FN1: variants seen among roughly 807,000 people sequenced by gnomAD.
FN1 encodes fibronectin 1.
Under a neutral mutation model 297.3 loss-of-function variants are expected in FN1, and 106 were observed. The ratio of observed to expected loss-of-function variants is 0.36; its 90% CI spans 0.30 to 0.42. FN1 has a LOEUF of 0.42. Ranked by LOEUF, FN1 falls within the 10% of genes least tolerant of loss-of-function variation. The pLI is 1.00. For missense variants in FN1, 2,690 were observed against 3,124.9 expected, an observed-to-expected ratio of 0.86 and a Z score of 3.32; for synonymous variants, 1,149 against 1,152.6, an observed-to-expected ratio of 1.00 and a Z score of 0.06.
At chr2:215,427,032 C>A (rs933935385) in intron 6 of FN1, among the ~76,000 whole-genome samples, 1 of 151,912 alleles carries the variant, frequency 6.6e-6, no homozygotes, top group Non-Finnish European at 1.5e-5. Flanking sequence ...CCCGCCACAA[C>A]GCCTGGTTAA....
chr2:215,394,603 G>A lies in FN1; in HGVS notation c.3721C>T (p.Leu1241=). 1 of 1,614,074 alleles carries A rather than the reference G, an allele frequency of 6.2e-7. No homozygotes were observed. Among genetic ancestry groups the A allele is most frequent in the Non-Finnish European group, 8.5e-7 (1 of 1,179,978 alleles). The part of the protein sequence containing the change: ...SCTFDNLSPG[L]EYNVSVYTVK... ...GTGTAAACACTGACATTGTACTCCAGGCCGGGACTCAGGTTATCAAAAGTG... is the reference window on the plus strand; with the variant it reads ...GTGTAAACACTGACATTGTACTCCAAGCCGGGACTCAGGTTATCAAAAGTG... The change falls in exon 24 of 46, where the codon CTG becomes TTG. Residue 1241 remains leucine, a synonymous_variant. Coordinates refer to ENST00000354785, the MANE Select transcript of FN1 (RefSeq NM_212482.4).
chr2:215,426,211 C>T (rs1440093694), intron 6 of FN1, among the ~76,000 whole-genome samples: 12 of 136,324 alleles, frequency 8.8e-5, no homozygotes, highest in African/African-American at 3.2e-4. Context: ...TGCAGTGGCG[C>T]AATCTCGGCT....
rs2066615716 is a variant in FN1, at chr2:215,432,052, T to C, written c.416-88A>G. The C allele has an allele frequency of 4.6e-6, 7 of 1,523,518 alleles. No homozygotes were observed. In the Admixed American group the frequency reaches 5.2e-5, roughly 11 times the overall value. 94.4% of individuals were successfully genotyped at this position (1,523,518 alleles called of 1,614,324 possible). On this transcript the variant is annotated intron_variant, in intron 3 of 45. Coordinates refer to ENST00000354785, the MANE Select transcript of FN1 (RefSeq NM_212482.4). ...ATTCCACCCATGGTAGGTACTTAGG[T>C]TGGCTAAAGTAGAGACACAGACAAC...
At chr2:215,379,697 GTTAA>G (rs2057929539) in intron 33 of FN1, 2 of 244,942 alleles carry the variant, frequency 8.2e-6, no homozygotes, top group Admixed American at 5.3e-5. Context: ...TCTTAAAATT[GTTAA>G]TTAATTAATT....
intron 8 of FN1, among the ~76,000 whole-genome samples, chr2:215,423,928 C>T (rs1428758681): frequency 6.6e-6 from 1 of 152,162 alleles, no homozygotes; most frequent in Non-Finnish European, 1.5e-5. Flanking sequence ...ATCAAATGAA[C>T]TGGAAGGCTA....
chr2:215,424,037 C>T (rs1363730874), intron 8 of FN1, 109 bp downstream of exon 8: 12 of 1,104,588 alleles, frequency 1.1e-5, no homozygotes, highest in Admixed American at 6.8e-5. Context: ...TGAACAAAAG[C>T]GATGCTTCTT....
chr2:215,399,050 T>C (rs2060655104), intron 21 of FN1, among the ~76,000 whole-genome samples: 1 of 152,220 alleles, frequency 6.6e-6, no homozygotes, highest in African/African-American at 2.4e-5. Context: ...CAAAACACTT[T>C]CGCAGCCTCC....
chr2:215,427,022 C>T (rs2065575557), intron 6 of FN1, among the ~76,000 whole-genome samples: 1 of 151,854 alleles, frequency 6.6e-6, no homozygotes, highest in African/African-American at 2.4e-5. Context: ...ACTACAGGCG[C>T]CCGCCACAAC....
At chr2:215,364,128 C>T (rs1020278263) in intron 44 of FN1, among the ~76,000 whole-genome samples, 1 of 152,210 alleles carries the variant, frequency 6.6e-6, no homozygotes, top group Non-Finnish European at 1.5e-5. Flanking sequence ...ACTTAATTAG[C>T]TTGACTTTGA....
chr2:215,377,315 AAATCTCTGTTGAGTTGT>A (rs2057470101), intron 35 of FN1, among the ~76,000 whole-genome samples: 1 of 152,162 alleles, frequency 6.6e-6, no homozygotes, highest in East Asian at 1.9e-4. Flanking sequence ...GTCCCTGTCC[AAATCTCTGTTGAGTTGT>A]AATCTCCAAT....
chr2:215,428,116 G>T (rs2065825022), intron 6 of FN1, 64 bp downstream of exon 6: 2 of 1,577,980 alleles, frequency 1.3e-6, no homozygotes, highest in Non-Finnish European at 1.7e-6. Flanking sequence ...AGGAAAGATG[G>T]ATTTGCGGAA....
chr2:215,381,077 A>G lies in FN1; in HGVS notation c.5168T>C (p.Ile1723Thr), dbSNP rs372216190. 9 of 1,614,000 alleles carry G rather than the reference A, an allele frequency of 5.6e-6. No homozygotes were observed. Among genetic ancestry groups the G allele is most frequent in the East Asian group, 4.5e-5 (2 of 44,894 alleles). ...GAATGCCAGTCCTTTAGGGCGATCAATGTCTGTTAGGCAAATTAATGGTAA... is the reference window on the plus strand; with the variant it reads ...GAATGCCAGTCCTTTAGGGCGATCAGTGTCTGTTAGGCAAATTAATGGTAA... ...QPLVQTAVTN[I>T]DRPKGLAFTD... Residue 1723 changes from isoleucine to threonine, a missense_variant, in exon 33 of 46, where the codon ATT (isoleucine) becomes ACT (threonine). By Grantham distance (89) the Ile-to-Thr change is moderately conservative. This residue lies in a region of FN1 where 1,743 missense variants were observed against 1,945.2 expected (regional missense o/e 0.90). Transcript: ENST00000354785.
rs762590034 is a variant in FN1, at chr2:215,423,314, T to G, written c.1393+36A>C. The G allele has an allele frequency of 3.1e-6, 5 of 1,610,532 alleles. No individual in the cohort carries two copies. In the East Asian group the frequency reaches 1.1e-4, roughly 36 times the overall value. ...CTTTAGTCTCTACTCCCTAAATTGT[T>G]GTCAAACAAGACAACCCACAAGGGC... On this transcript the variant is annotated intron_variant, in intron 9 of 45. Coordinates refer to ENST00000354785, the MANE Select transcript of FN1 (RefSeq NM_212482.4).
chr2:215,431,837 G>T lies in FN1; in HGVS notation c.543C>A (p.Pro181=). ...GNGKGEWTCK[P]IAEKCFDHAA... ...TCAGCCCTAAGACTCACACACCTATGGGCTTGCAGGTCCATTCTCCTTTTC... is the reference window on the plus strand; with the variant it reads ...TCAGCCCTAAGACTCACACACCTATTGGCTTGCAGGTCCATTCTCCTTTTC... The change falls in exon 4 of 46, where the codon CCC becomes CCA. Residue 181 remains proline (P), a synonymous_variant. Transcript: ENST00000354785. 6.2e-7 allele frequency: 1 copy of T among 1,614,122 alleles called. No homozygotes were observed. Among genetic ancestry groups the T allele is most frequent in the African/African-American group, 1.3e-5 (1 of 75,034 alleles).
chr2:215,392,132 G>C, intron 25 of FN1: 1 of 322,716 alleles, frequency 3.1e-6, no homozygotes, highest in South Asian at 3.0e-5. Flanking sequence ...AGGCCGAAGA[G>C]GCTTAAGTTG....
At chr2:215,366,875 T>C (rs1194519850) in intron 42 of FN1, among the ~76,000 whole-genome samples, 1 of 152,250 alleles carries the variant, frequency 6.6e-6, no homozygotes, top group Non-Finnish European at 1.5e-5. Flanking sequence ...TGAAGTCAAA[T>C]ATTAAAATTT....
At chr2:215,375,833 C>T in intron 36 of FN1, 115 bp from the exon 37 acceptor site, 1 of 722,262 alleles carries the variant, frequency 1.4e-6, no homozygotes, top group Non-Finnish European at 2.6e-6. Context: ...TATAGACTAC[C>T]AAAGTGGTCC....
chr2:215,376,351 A>G (rs2057290474), intron 36 of FN1, 147 bp downstream of exon 36: 1 of 750,948 alleles, frequency 1.3e-6, no homozygotes, highest in Non-Finnish European at 2.3e-6. Flanking sequence ...ATTTCTGATC[A>G]TAGCATGAAA....
At chr2:215,386,269 G>A (rs1460588872) in intron 28 of FN1, among the ~76,000 whole-genome samples, 2 of 151,580 alleles carry the variant, frequency 1.3e-5, no homozygotes, top group African/African-American at 4.9e-5. Flanking sequence ...TAGAGATGGG[G>A]TTTCACTATG....
Sources: gnomAD v4.1 joint callset for allele counts (sites outside exome capture counted in the v4.1 genomes callset) on GRCh38, gnomAD v4.1.1 for gene constraint, gnomAD v4.1.1 regional missense constraint, MANE v1.5 for transcripts, NCBI Gene and HGNC (gene_info 2026-07-23, HGNC 2026-07-21) for gene names.